DCLK1: variants seen among roughly 807,000 people sequenced by gnomAD.
The protein encoded by DCLK1 is serine/threonine-protein kinase DCLK1.
Under a neutral mutation model 86.2 loss-of-function variants are expected in DCLK1, and 16 were observed. That is an observed-to-expected ratio of 0.19 (90% CI 0.13 to 0.28). DCLK1 has a LOEUF of 0.28. Ranked by LOEUF, DCLK1 falls within the 10% of genes least tolerant of loss-of-function variation. The probability of loss-of-function intolerance (pLI) is 1.00; values close to 1 mark genes in which losing one functional copy is unlikely to be tolerated. For missense variants in DCLK1, 590 were observed against 940.2 expected (o/e 0.63, Z 4.87); for synonymous variants, 369 against 370.5 (o/e 1.00, Z 0.05).
intron 4 of DCLK1, among the ~76,000 whole-genome samples, chr13:35,899,085 T>A (rs546978569): frequency 1.3e-5 from 2 of 152,316 alleles, no homozygotes; most frequent in East Asian, 3.9e-4. Flanking sequence ...GATGCTCTGC[T>A]TATAGGGGGA....
chr13:36,105,011 C>T (rs777127930), intron 3 of DCLK1, among the ~76,000 whole-genome samples: 44 of 152,086 alleles, frequency 2.9e-4, no homozygotes, highest in Non-Finnish European at 5.9e-4. Flanking sequence ...CCTTTATATA[C>T]ATATTTTGTC....
intron 4 of DCLK1, among the ~76,000 whole-genome samples, chr13:35,919,177 C>T (rs1261409006): frequency 6.6e-6 from 1 of 152,088 alleles, no homozygotes; most frequent in Admixed American, 6.5e-5. Flanking sequence ...CAGCCATCAG[C>T]CACCACACTC....
rs187351702 is a variant in DCLK1 at position 35,826,341 on chromosome 13, T to C, written c.1407+1294A>G. On this transcript the variant is annotated intron_variant, in intron 10 of 16. Transcript: ENST00000360631. ...GAGTTCGAGACCAGCCTGACCAACA[T>C]GGAGAAATCCCATCTCTACTAAAAA... is the stretch of plus-strand genomic sequence containing the variant. 0.012 allele frequency among the ~76,000 whole-genome samples: 1,853 copies of C among 150,132 alleles called. 106 individuals carry two copies. The East Asian group carries it at 0.15, about 12-fold the overall frequency.
In DCLK1 at chr13:35,991,618, C is replaced by T. The variant is rs545646877; in HGVS notation, c.724-44161G>A. 3.3e-5 allele frequency among the ~76,000 whole-genome samples: 5 copies of T among 152,256 alleles called. No individual in the cohort carries two copies. The Middle Eastern group carries it at 0.01, about 313-fold the overall frequency. ...GGTCGAGGCTGCAGTGAGCTGTGATCATACCACTGCACTAGAACCTGGGCA... is the reference window on the plus strand; with the variant it reads ...GGTCGAGGCTGCAGTGAGCTGTGATTATACCACTGCACTAGAACCTGGGCA... On this transcript the variant is annotated intron_variant, in intron 3 of 16. Coordinates refer to ENST00000360631, the MANE Select transcript of DCLK1 (RefSeq NM_001330071.2).
chr13:36,044,245 G>A (rs772616949), intron 3 of DCLK1, among the ~76,000 whole-genome samples: 1 of 152,142 alleles, frequency 6.6e-6, no homozygotes, highest in African/African-American at 2.4e-5. Context: ...CATGCCTCTT[G>A]TACAGCCTGC....
chr13:35,976,849 A>T (rs1431121882), intron 3 of DCLK1, among the ~76,000 whole-genome samples: 2 of 152,092 alleles, frequency 1.3e-5, no homozygotes, highest in Non-Finnish European at 2.9e-5. Context: ...CGAGGTTTTA[A>T]GTGAGGCATG....
chr13:36,118,019 AAAT>A (rs1411577460), intron 2 of DCLK1, among the ~76,000 whole-genome samples: 4 of 152,204 alleles, frequency 2.6e-5, no homozygotes, highest in Non-Finnish European at 5.9e-5. Context: ...GATAAAAATA[AAAT>A]AATAATATGC....
intron 3 of DCLK1, among the ~76,000 whole-genome samples, chr13:35,983,458 G>C (rs1204273287): frequency 6.6e-6 from 1 of 152,166 alleles, no homozygotes; most frequent in Non-Finnish European, 1.5e-5. Flanking sequence ...CCAAGTGCAT[G>C]AGTGGAATCA....
intron 4 of DCLK1, among the ~76,000 whole-genome samples, chr13:35,943,051 C>G (rs1285815951): frequency 6.6e-6 from 1 of 152,134 alleles, no homozygotes; most frequent in South Asian, 2.1e-4. Context: ...ATCCTGGTAC[C>G]TTTGAATGAA....
At chr13:35,820,691 G>C (rs1392879582) in intron 11 of DCLK1, among the ~76,000 whole-genome samples, 1 of 152,144 alleles carries the variant, frequency 6.6e-6, no homozygotes, top group Non-Finnish European at 1.5e-5. Context: ...GTTCCCATGA[G>C]ACAATCCTAC....
intron 3 of DCLK1, among the ~76,000 whole-genome samples, chr13:36,057,513 C>T (rs1883380960): frequency 6.6e-6 from 1 of 152,132 alleles, no homozygotes; most frequent in African/African-American, 2.4e-5. Flanking sequence ...AATAAAAATT[C>T]CATTGTAAAC....
chr13:36,023,533 T>A (rs559096948), intron 3 of DCLK1, among the ~76,000 whole-genome samples: 2 of 152,302 alleles, frequency 1.3e-5, no homozygotes, highest in East Asian at 3.9e-4. Context: ...TGGAGGGCAG[T>A]CTGCTTATTC....
At chr13:35,799,781 C>T (rs1456507192) in intron 15 of DCLK1, among the ~76,000 whole-genome samples, 1 of 151,996 alleles carries the variant, frequency 6.6e-6, no homozygotes, top group East Asian at 1.9e-4. Flanking sequence ...TGTTTATGAA[C>T]TTATCATGAA....
chr13:36,094,416 A>G (rs1328127491), intron 3 of DCLK1, among the ~76,000 whole-genome samples: 1 of 152,190 alleles, frequency 6.6e-6, no homozygotes, highest in Non-Finnish European at 1.5e-5. Context: ...AATAAAACCA[A>G]TTTAAAGCAA....
intron 3 of DCLK1, among the ~76,000 whole-genome samples, chr13:36,101,722 T>C (rs1278337334): frequency 2.0e-5 from 3 of 152,016 alleles, no homozygotes; most frequent in Non-Finnish European, 1.5e-5. Context: ...CTCTTGGTAC[T>C]GAGGTTTTTA....
intron 3 of DCLK1, among the ~76,000 whole-genome samples, chr13:35,951,270 C>CATGGATGGATGG (rs113236728): frequency 6.2e-5 from 9 of 145,296 alleles, no homozygotes; most frequent in African/African-American, 2.0e-4. Flanking sequence ...TGGATGGATG[C>CATGGATGGATGG]ATGGATGGAT....
chr13:35,938,263 A>G (rs998999385), intron 4 of DCLK1, among the ~76,000 whole-genome samples: 2 of 152,046 alleles, frequency 1.3e-5, no homozygotes, highest in African/African-American at 4.8e-5. Context: ...GGTATTTGTT[A>G]CTCTGGAGAC....
At chr13:35,923,612 C>A (rs1043406977) in intron 4 of DCLK1, among the ~76,000 whole-genome samples, 1 of 152,062 alleles carries the variant, frequency 6.6e-6, no homozygotes, top group Non-Finnish European at 1.5e-5. Context: ...GCCCCTGATT[C>A]ACCAGTGAGT....
intron 3 of DCLK1, among the ~76,000 whole-genome samples, chr13:36,013,997 T>C (rs959807124): frequency 6.6e-6 from 1 of 152,188 alleles, no homozygotes; most frequent in Non-Finnish European, 1.5e-5. Context: ...CCCCTTTCTT[T>C]GACTCGGAAA....
Sources: gnomAD v4.1 joint callset for allele counts (sites outside exome capture counted in the v4.1 genomes callset) on GRCh38, gnomAD v4.1.1 for gene constraint, MANE v1.5 for transcripts, NCBI Gene and HGNC (gene_info 2026-07-23, HGNC 2026-07-21) for gene names.